Variants in SCN9A observed in about 807,000 individuals in gnomAD.
SCN9A encodes sodium channel protein type 9 subunit alpha.
SCN9A carries 131 observed loss-of-function variants against 187.0 expected under a neutral mutation model. The observed-to-expected ratio is 0.70, with a 90% CI of 0.61 to 0.81. The LOEUF (loss-of-function observed/expected upper bound fraction) is 0.81, where lower values mean the gene tolerates loss of function less well. Among genes scored for constraint, SCN9A ranks in the 30% least tolerant of loss-of-function variants. The pLI is 0.00. For synonymous variants in SCN9A, 809 were observed against 808.6 expected (o/e 1.00, Z -0.01); for missense variants, 2,252 against 2,396.6 (o/e 0.94, Z 1.26).
At chr2:166,275,047 C>A (rs1697171468) in intron 16 of SCN9A, among the ~76,000 whole-genome samples, 1 of 152,144 alleles carries the variant, frequency 6.6e-6, no homozygotes, top group Non-Finnish European at 1.5e-5. Context: ...GTCTTCCACC[C>A]TAAATAATAC....
At chr2:166,252,819 G>C (rs1696105463) in intron 17 of SCN9A, among the ~76,000 whole-genome samples, 1 of 151,716 alleles carries the variant, frequency 6.6e-6, no homozygotes, top group Admixed American at 6.6e-5. Context: ...TACAGCAACT[G>C]TAGCAAAACT....
rs746393616 is a variant in SCN9A, at chr2:166,195,253, T to C, written c.*3419A>G. Reference sequence around the variant, plus strand: ...GTCAGTCTCAAGTATAACTACAATATAACTACAATATAATTTATGGCAAAC... The same window carrying C: ...GTCAGTCTCAAGTATAACTACAATACAACTACAATATAATTTATGGCAAAC... On this transcript the variant is annotated 3_prime_UTR_variant, in exon 27 of 27. Coordinates refer to ENST00000642356, the MANE Select transcript of SCN9A (RefSeq NM_001365536.1). 2 of 152,218 alleles carry C rather than the reference T, an allele frequency of 1.3e-5. No individual in the cohort carries two copies. Among genetic ancestry groups the C allele is most frequent in the Non-Finnish European group, 2.9e-5 (2 of 68,034 alleles). 9.4% of individuals were successfully genotyped at this position (152,218 alleles called of 1,614,324 possible). A position where few individuals can be genotyped will look rare whatever the true frequency, so the allele number is the denominator to read the frequency against.
intron 24 of SCN9A, among the ~76,000 whole-genome samples, chr2:166,219,132 A>G (rs934216431): frequency 1.3e-5 from 2 of 152,184 alleles, no homozygotes; most frequent in Non-Finnish European, 2.9e-5. Flanking sequence ...GTGTAAATTA[A>G]TTCAACCATA....
Position 166,196,994 on chromosome 2 carries a change from CTCTT to C in SCN9A, c.*1674_*1677del, listed in dbSNP as rs1336412659. On this transcript the variant is annotated 3_prime_UTR_variant, in exon 27 of 27. Coordinates refer to ENST00000642356, the MANE Select transcript of SCN9A (RefSeq NM_001365536.1). The stretch of plus-strand genomic sequence containing the variant: ...TTGTTTCTATAGGTACGTTTAAATC[CTCTT>C]TCTTTTTAAATTGCCAGAACAACAA... The C allele has an allele frequency of 2.0e-5, 3 of 151,954 alleles. No homozygotes were observed. Among genetic ancestry groups the C allele is most frequent in the Admixed American group, 1.3e-4 (2 of 15,254 alleles). 9.4% of individuals were successfully genotyped at this position (151,954 alleles called of 1,614,324 possible).
chr2:166,251,512 A>T (rs561689499), intron 18 of SCN9A, among the ~76,000 whole-genome samples: 1 of 152,208 alleles, frequency 6.6e-6, no homozygotes, highest in Admixed American at 6.6e-5. Flanking sequence ...AGGCTCTAAA[A>T]TAAGAAGTAG....
chr2:166,335,582 T>C (rs1156784831), intron 1 of SCN9A, among the ~76,000 whole-genome samples: 4 of 152,262 alleles, frequency 2.6e-5, no homozygotes, highest in Non-Finnish European at 5.9e-5. Flanking sequence ...TCTAGCACCA[T>C]AGGGGCAGGC....
intron 9 of SCN9A, among the ~76,000 whole-genome samples, chr2:166,289,633 A>T (rs989446164): frequency 6.6e-6 from 1 of 152,126 alleles, no homozygotes; most frequent in Non-Finnish European, 1.5e-5. Flanking sequence ...GAATAGTGCC[A>T]CAATAAACAT....
chr2:166,224,283 C>A (rs1284232337), intron 24 of SCN9A, among the ~76,000 whole-genome samples: 1 of 151,980 alleles, frequency 6.6e-6, no homozygotes, highest in Non-Finnish European at 1.5e-5. Flanking sequence ...TCAGTGTACA[C>A]TTTATAAATG....
At position 166,199,288 on chromosome 2, in the gene SCN9A, T is replaced by C. The variant is rs200050326; in HGVS notation, c.5351A>G (p.Glu1784Gly). The change falls in exon 27 of 27, where the codon GAG (glutamate) becomes GGG (glycine). Residue 1784 changes from glutamate (E) to glycine (G), a missense_variant. This residue lies in a region of SCN9A where 345 missense variants were observed against 344.6 expected (regional missense o/e 1.00). Coordinates refer to ENST00000642356, the MANE Select transcript of SCN9A (RefSeq NM_001365536.1). ...ATCGGGATCAAACTTCTCCCAAACC[T>C]CATAGAACATCTCAAAGTCATCCTC... ...LSEDDFEMFYEVWEKFDPDAT... is the reference protein window; with the variant it reads ...LSEDDFEMFYGVWEKFDPDAT... 1 of 1,614,070 alleles carries C rather than the reference T, an allele frequency of 6.2e-7. No homozygotes were observed. Among genetic ancestry groups the C allele is most frequent in the East Asian group, 2.2e-5 (1 of 44,878 alleles).
intron 17 of SCN9A, among the ~76,000 whole-genome samples, chr2:166,271,516 TG>T (rs1696983488): frequency 6.6e-6 from 1 of 152,004 alleles, no homozygotes; most frequent in Admixed American, 6.6e-5. Context: ...TGGTCAAAGC[TG>T]GTTAGGGCCA....
intron 18 of SCN9A, among the ~76,000 whole-genome samples, chr2:166,250,728 A>C (rs1159909119): frequency 2.0e-5 from 3 of 152,108 alleles, no homozygotes; most frequent in Non-Finnish European, 4.4e-5. Context: ...GTTACAAAAC[A>C]AGAGACTAAG....
intron 20 of SCN9A, among the ~76,000 whole-genome samples, chr2:166,237,541 A>G (rs1210945530): frequency 6.6e-6 from 1 of 152,142 alleles, no homozygotes; most frequent in Admixed American, 6.6e-5. Flanking sequence ...GGTTTTTCCT[A>G]TAATTGGGTC....
chr2:166,363,672 C>T (rs566594213), intron 1 of SCN9A, among the ~76,000 whole-genome samples: 56 of 151,950 alleles, frequency 3.7e-4, no homozygotes, highest in South Asian at 6.2e-4. Context: ...TTAGAGTCTA[C>T]GAATTATATA....
At chr2:166,278,982 A>G (rs1381926551) in intron 14 of SCN9A, among the ~76,000 whole-genome samples, 5 of 152,190 alleles carry the variant, frequency 3.3e-5, no homozygotes, top group Non-Finnish European at 7.3e-5. Flanking sequence ...GGAAATGTTT[A>G]GGTCTATAAC....
intron 1 of SCN9A, among the ~76,000 whole-genome samples, chr2:166,370,049 C>T (rs1371469409): frequency 1.3e-5 from 2 of 151,798 alleles, no homozygotes; most frequent in African/African-American, 2.4e-5. Context: ...TCTACATTTA[C>T]TTCTTTTTTC....
At chr2:166,249,624 T>C (rs1695948170) in intron 18 of SCN9A, among the ~76,000 whole-genome samples, 1 of 152,116 alleles carries the variant, frequency 6.6e-6, no homozygotes, top group Non-Finnish European at 1.5e-5. Context: ...TCTTCTATAC[T>C]GGCCTCAGTT....
intron 1 of SCN9A, among the ~76,000 whole-genome samples, chr2:166,333,636 TTG>T (rs561086455): frequency 4.9e-4 from 75 of 152,084 alleles, no homozygotes; most frequent in African/African-American, 1.5e-3. Flanking sequence ...ATGACATAAC[TTG>T]TTTTTTTTTA....
rs1248747172 is a variant in SCN9A at position 166,331,294 on chromosome 2, GT to G, written c.-50-19489del. Among the ~76,000 whole-genome samples the G allele has an allele frequency of 1.2e-4, 18 of 152,188 alleles. No individual in the cohort carries two copies. In the East Asian group the frequency reaches 2.9e-3, roughly 25 times the overall value. On this transcript the variant is annotated intron_variant, in intron 1 of 26. Transcript: ENST00000642356. Reference sequence around the variant, plus strand: ...CCACAACTGAGTATAGTGTGTGTATGTTCATTACTGATAGTTGAGCAAATTT... The same window carrying G: ...CCACAACTGAGTATAGTGTGTGTATGTCATTACTGATAGTTGAGCAAATTT...
At chr2:166,246,641 A>T (rs1325841756) in intron 18 of SCN9A, among the ~76,000 whole-genome samples, 1 of 152,076 alleles carries the variant, frequency 6.6e-6, no homozygotes, top group Non-Finnish European at 1.5e-5. Flanking sequence ...ATCACATATA[A>T]GAAAGAATTT....
Sources: allele counts gnomAD v4.1 joint callset (sites outside exome capture counted in the v4.1 genomes callset), GRCh38; gene constraint gnomAD v4.1.1; regional missense constraint gnomAD v4.1.1; transcripts MANE v1.5; gene names NCBI Gene and HGNC (gene_info 2026-07-23, HGNC 2026-07-21).